Variants in DCK observed in about 807,000 individuals in gnomAD.
The protein encoded by DCK is deoxycytidine kinase, also known as deoxyadenosine kinase.
In DCK, 23 loss-of-function variants were observed where a neutral mutation model predicts 38.3. The ratio of observed to expected loss-of-function variants is 0.60; its 90% CI spans 0.43 to 0.85. DCK has a LOEUF of 0.85. DCK is among the 40% of genes least tolerant of loss of function. The pLI is 0.00. For synonymous variants in DCK, 108 were observed against 100.6 expected (o/e 1.07, Z -0.44); for missense variants, 259 against 304.4 (o/e 0.85, Z 1.11).
At chr4:71,028,741 C>T (rs935854011) in intron 6 of DCK, 15 of 351,798 alleles carry the variant, frequency 4.3e-5, no homozygotes, top group Non-Finnish European at 5.5e-5. Flanking sequence ...TACAAGTGCA[C>T]GCCTCCATGC....
intron 3 of DCK, among the ~76,000 whole-genome samples, chr4:71,022,989 C>G (rs1460343185): frequency 6.6e-6 from 1 of 152,090 alleles, no homozygotes; most frequent in African/African-American, 2.4e-5. Context: ...CAGAGGTTCT[C>G]AAACATTTGA....
chr4:70,993,829 C>T lies in DCK; in HGVS notation c.-7C>T. The T allele has an allele frequency of 1.9e-6, 3 of 1,610,398 alleles. No homozygotes were observed. Among genetic ancestry groups the T allele is most frequent in the Middle Eastern group, 1.6e-4 (1 of 6,062 alleles). On this transcript the variant is annotated 5_prime_UTR_variant, in exon 1 of 7. Coordinates refer to ENST00000286648, the MANE Select transcript of DCK (RefSeq NM_000788.3). ...GGACGAGCTCTGGGCCGCCACAAGACTAAGGAATGGCCACCCCGCCCAAGA... is the reference window on the plus strand; with the variant it reads ...GGACGAGCTCTGGGCCGCCACAAGATTAAGGAATGGCCACCCCGCCCAAGA...
intron 2 of DCK, 65 bp downstream of exon 2, chr4:70,998,247 CT>C (rs1739704100): frequency 9.0e-6 from 6 of 670,132 alleles, no homozygotes; most frequent in Non-Finnish European, 1.3e-5. Context: ...TACTTAATCT[CT>C]TTTTCTTTTT....
At position 71,014,484 on chromosome 4, in the gene DCK, T is replaced by C. The variant is rs1007364323; in HGVS notation, c.208-7883T>C. 4.6e-5 allele frequency among the ~76,000 whole-genome samples: 7 copies of C among 152,260 alleles called. No individual in the cohort carries two copies. In the East Asian group the frequency reaches 1.3e-3, roughly 29 times the overall value. ...AATATACATTCTTCTCAGCACCACATCGCACTTATTCCAAAATTGACCACA... is the reference window on the plus strand; with the variant it reads ...AATATACATTCTTCTCAGCACCACACCGCACTTATTCCAAAATTGACCACA... On this transcript the variant is annotated intron_variant, in intron 2 of 6. Coordinates refer to ENST00000286648, the MANE Select transcript of DCK (RefSeq NM_000788.3).
chr4:71,012,746 C>A (rs2148915863), intron 2 of DCK, among the ~76,000 whole-genome samples: 1 of 152,266 alleles, frequency 6.6e-6, no homozygotes, highest in Non-Finnish European at 1.5e-5. Flanking sequence ...AAAGGACATC[C>A]ACACCAAAAC....
At chr4:70,994,892 C>T (rs980408073) in intron 1 of DCK, among the ~76,000 whole-genome samples, 1 of 152,186 alleles carries the variant, frequency 6.6e-6, no homozygotes, top group Admixed American at 6.5e-5. Context: ...ACGTCCGATT[C>T]TTCTGTATCT....
chr4:71,029,036 C>T (rs189336260), intron 6 of DCK, among the ~76,000 whole-genome samples: 5 of 152,324 alleles, frequency 3.3e-5, no homozygotes, highest in Middle Eastern at 3.4e-3. Context: ...GGATTATAGG[C>T]ATGAGCCACT....
intron 2 of DCK, among the ~76,000 whole-genome samples, chr4:71,001,399 T>C (rs2087653518): frequency 6.6e-6 from 1 of 152,098 alleles, no homozygotes; most frequent in Non-Finnish European, 1.5e-5. Context: ...CAGTATTTTA[T>C]TGAGGATTTT....
chr4:71,023,066 A>T (rs1394475416), intron 3 of DCK, among the ~76,000 whole-genome samples: 2 of 152,194 alleles, frequency 1.3e-5, no homozygotes, highest in Non-Finnish European at 2.9e-5. Context: ...ATTGATACTT[A>T]ACATTACTAG....
At chr4:71,001,286 G>GC (rs1446744843) in intron 2 of DCK, among the ~76,000 whole-genome samples, 1 of 152,090 alleles carries the variant, frequency 6.6e-6, no homozygotes, top group Non-Finnish European at 1.5e-5. Flanking sequence ...GATAGATTAT[G>GC]TTTTATTGAT....
intron 1 of DCK, among the ~76,000 whole-genome samples, chr4:70,996,557 T>C (rs1739665744): frequency 6.6e-6 from 1 of 152,218 alleles, no homozygotes; most frequent in Admixed American, 6.5e-5. Context: ...TGAGACTTTG[T>C]TAGTTACTGT....
intron 6 of DCK, 177 bp downstream of exon 6, chr4:71,026,932 G>C (rs1195926639): frequency 2.7e-6 from 1 of 364,238 alleles, no homozygotes; most frequent in Non-Finnish European, 5.0e-6. Context: ...CTAGCTTTGT[G>C]GCCTGAGCTA....
chr4:70,998,223 TA>T (rs1739703560), intron 2 of DCK, 41 bp downstream of exon 2: 2 of 971,136 alleles, frequency 2.1e-6, no homozygotes, highest in African/African-American at 1.6e-5. Context: ...CCTCTTGGTT[TA>T]GAGGAGCAGT....
rs1740660269 is a variant in DCK, at chr4:71,030,408, A to G, written c.*1030A>G. 6.6e-6 allele frequency: 1 copy of G among 152,084 alleles called. No individual in the cohort carries two copies. The highest frequency in any genetic ancestry group is 6.5e-5 in the Admixed American group (1 of 15,278). 9.4% of individuals were successfully genotyped at this position (152,084 alleles called of 1,614,324 possible). A position where few individuals can be genotyped will look rare whatever the true frequency, so the allele number is the denominator to read the frequency against. ...GTATTTTAAAATAAGGGGAAGAGTC[A>G]TTTTCACTTTTAAACTACTATTTTT... On this transcript the variant is annotated 3_prime_UTR_variant, in exon 7 of 7. Coordinates refer to ENST00000286648, the MANE Select transcript of DCK (RefSeq NM_000788.3).
chr4:71,011,409 G>A (rs1362588203), intron 2 of DCK, among the ~76,000 whole-genome samples: 2 of 151,986 alleles, frequency 1.3e-5, no homozygotes, highest in Non-Finnish European at 2.9e-5. Flanking sequence ...CCAGGCTGGA[G>A]TGCAATGGTG....
intron 1 of DCK, 122 bp downstream of exon 1, chr4:70,994,048 G>A: frequency 1.3e-6 from 1 of 761,354 alleles, no homozygotes; most frequent in Non-Finnish European, 2.3e-6. Flanking sequence ...CTGGCGGTGT[G>A]GACGCGGCCT....
intron 3 of DCK, among the ~76,000 whole-genome samples, chr4:71,023,175 A>G (rs1740471840): frequency 6.6e-6 from 1 of 152,116 alleles, no homozygotes. Flanking sequence ...TCTAAAATAA[A>G]AAGTAGCTAG....
At chr4:71,002,799 TC>T (rs1182154903) in intron 2 of DCK, among the ~76,000 whole-genome samples, 2 of 152,198 alleles carry the variant, frequency 1.3e-5, no homozygotes, top group African/African-American at 4.8e-5. Context: ...TTTTTTGCTT[TC>T]CATTTGCTTG....
At chr4:71,018,420 G>T (rs758173679) in intron 2 of DCK, among the ~76,000 whole-genome samples, 1 of 151,912 alleles carries the variant, frequency 6.6e-6, no homozygotes, top group African/African-American at 2.4e-5. Flanking sequence ...GAGCCACTGC[G>T]CCCGGCCTAG....
Sources: allele counts gnomAD v4.1 joint callset (sites outside exome capture counted in the v4.1 genomes callset), GRCh38; gene constraint gnomAD v4.1.1; transcripts MANE v1.5; gene names NCBI Gene and HGNC (gene_info 2026-07-23, HGNC 2026-07-21).